The following CALN1 variants were observed in gnomAD, a reference collection of about 807,000 sequenced individuals.
CALN1 encodes the protein calneuron 1.
A neutral mutation model predicts 30.6 loss-of-function variants in CALN1; 17 were observed. The ratio of observed to expected loss-of-function variants is 0.56; its 90% confidence interval spans 0.38 to 0.83. The LOEUF (loss-of-function observed/expected upper bound fraction) is 0.83, where lower values mean the gene tolerates loss of function less well. Among genes scored for constraint, CALN1 ranks in the 40% least tolerant of loss-of-function variants. CALN1 has a pLI of 0.00. For missense variants in CALN1, 291 were observed against 354.9 expected (o/e 0.82, Z 1.45); for synonymous variants, 156 against 131.4 (o/e 1.19, Z -1.28).
In CALN1 at chr7:71,883,769, C is replaced by T. The variant is rs147964498; in HGVS notation, c.502-73277G>A. Among the ~76,000 whole-genome samples, 17 of 152,238 alleles carry T rather than the reference C, an allele frequency of 1.1e-4. 1 individual carries two copies. In the East Asian group the frequency reaches 3.1e-3, roughly 28 times the overall value. On this transcript the variant is annotated intron_variant, in intron 5 of 6. Transcript: ENST00000395275. ...CCCATCCCTTCTGAACTGTCCTTTC[C>T]CTGTGGTATATAATCGCTGGGTCTT...
At chr7:72,178,161 A>G (rs34829642) in intron 3 of CALN1, among the ~76,000 whole-genome samples, 36,362 of 152,174 alleles carry the variant, frequency 0.24, 4,896 homozygotes, top group Middle Eastern at 0.33. Flanking sequence ...CCCAATGTGT[A>G]TTGCATAAAG....
At chr7:72,133,675 G>C (rs531880934) in intron 3 of CALN1, among the ~76,000 whole-genome samples, 3 of 152,188 alleles carry the variant, frequency 2.0e-5, no homozygotes, top group East Asian at 3.9e-4. Context: ...GAGTGGAAAA[G>C]CCTGGCGGAC....
chr7:72,254,654 C>T (rs189512503), intron 3 of CALN1, among the ~76,000 whole-genome samples: 170 of 151,838 alleles, frequency 1.1e-3, no homozygotes, highest in Middle Eastern at 6.8e-3. Flanking sequence ...TTTTTTTTTG[C>T]TGAGGGGACA....
At chr7:71,856,757 C>T (rs1790970297) in intron 5 of CALN1, among the ~76,000 whole-genome samples, 2 of 151,964 alleles carry the variant, frequency 1.3e-5, no homozygotes, top group South Asian at 4.2e-4. Context: ...GAGTTCAAGA[C>T]CAGGCTGGCC....
intron 3 of CALN1, among the ~76,000 whole-genome samples, chr7:72,153,034 C>CA (rs1787375774): frequency 6.6e-6 from 1 of 152,192 alleles, no homozygotes; most frequent in Non-Finnish European, 1.5e-5. Context: ...GCTAGAACCT[C>CA]AGTGTTCACA....
intron 3 of CALN1, among the ~76,000 whole-genome samples, chr7:72,240,459 C>T (rs1396800289): frequency 1.3e-5 from 2 of 152,114 alleles, no homozygotes; most frequent in African/African-American, 4.8e-5. Flanking sequence ...CCTCCCAAAG[C>T]GCTGGTGTTA....
At chr7:72,355,110 T>G (rs1165696224) in intron 2 of CALN1, among the ~76,000 whole-genome samples, 1 of 152,032 alleles carries the variant, frequency 6.6e-6, no homozygotes. Flanking sequence ...ACTCTCAGCA[T>G]TTGCCCAGGC....
Position 72,040,048 on chromosome 7 carries a change from G to C in CALN1, c.389-16279C>G, listed in dbSNP as rs145863034. ...CAATCACAAGTCAATCTCTACAAAT[G>C]GCTCTTAGGAAACACCTTTAGCTCA... is the stretch of plus-strand genomic sequence containing the variant. On this transcript the variant is annotated intron_variant, in intron 4 of 6. Coordinates refer to ENST00000395275, the MANE Select transcript of CALN1 (RefSeq NM_031468.4). Among the ~76,000 whole-genome samples the C allele has an allele frequency of 5.4e-3, 825 of 152,162 alleles. 8 individuals are homozygous for C. Among genetic ancestry groups the C allele is most frequent in the African/African-American group, 0.019 (791 of 41,528 alleles).
chr7:72,296,216 C>G (rs537904835), intron 2 of CALN1, among the ~76,000 whole-genome samples: 4 of 150,878 alleles, frequency 2.7e-5, no homozygotes, highest in Admixed American at 2.0e-4. Flanking sequence ...ATGAAGCCCA[C>G]TTGATCATGG....
chr7:71,830,537 G>A (rs1789210471), intron 5 of CALN1, among the ~76,000 whole-genome samples: 1 of 151,746 alleles, frequency 6.6e-6, no homozygotes, highest in East Asian at 1.9e-4. Flanking sequence ...TAGTAGAGAT[G>A]GGGTTTCACT....
At chr7:72,487,077 G>T in the CALN1 span, among the ~76,000 whole-genome samples, 2 of 152,048 alleles carry the variant, frequency 1.3e-5, no homozygotes, top group African/African-American at 4.8e-5. Context: ...TGGAGATAGG[G>T]TCTTGTTCTG....
intron 6 of CALN1, among the ~76,000 whole-genome samples, chr7:71,795,134 A>T (rs542488601): frequency 6.6e-6 from 1 of 152,218 alleles, no homozygotes; most frequent in Non-Finnish European, 1.5e-5. Context: ...CTCCTGCCTC[A>T]GCCTCCCGAG....
chr7:72,270,690 G>A (rs763310779), intron 3 of CALN1, among the ~76,000 whole-genome samples: 16 of 152,106 alleles, frequency 1.1e-4, no homozygotes, highest in African/African-American at 2.7e-4. Context: ...CAGGAGCATC[G>A]CTTGAGATCA....
intron 3 of CALN1, among the ~76,000 whole-genome samples, chr7:72,147,531 A>T (rs546434720): frequency 1.2e-4 from 18 of 149,300 alleles, no homozygotes; most frequent in Non-Finnish European, 2.4e-4. Flanking sequence ...ATTGTGGAAG[A>T]CAGTGTTGCG....
At chr7:72,457,082 C>G in the CALN1 span, among the ~76,000 whole-genome samples, 1 of 141,878 alleles carries the variant, frequency 7.0e-6, no homozygotes, top group African/African-American at 2.6e-5. Context: ...AATCTCAGCT[C>G]ACTGCAACCT....
chr7:72,401,015 T>C (rs1202974525), intron 2 of CALN1, among the ~76,000 whole-genome samples: 1 of 152,104 alleles, frequency 6.6e-6, no homozygotes, highest in Non-Finnish European at 1.5e-5. Flanking sequence ...GAGGAAACAG[T>C]GGTGGCTCTC....
chr7:72,018,313 G>T (rs964340207), intron 5 of CALN1, among the ~76,000 whole-genome samples: 2 of 152,048 alleles, frequency 1.3e-5, no homozygotes, highest in African/African-American at 4.8e-5. Flanking sequence ...GCAGCATTGA[G>T]CAGGAAGCCT....
At chr7:72,357,574 T>C (rs1803308743) in intron 2 of CALN1, among the ~76,000 whole-genome samples, 1 of 151,816 alleles carries the variant, frequency 6.6e-6, no homozygotes. Context: ...GGTTTTTGAA[T>C]GCTTTTAAAT....
chr7:71,810,896 CTTT>C (rs71092916), intron 5 of CALN1, among the ~76,000 whole-genome samples: 5 of 139,148 alleles, frequency 3.6e-5, no homozygotes, highest in Admixed American at 7.3e-5. Context: ...AAGCATGTAT[CTTT>C]TTTTTTTTTT....
Sources: gnomAD v4.1 joint callset for allele counts (sites outside exome capture counted in the v4.1 genomes callset) on GRCh38, gnomAD v4.1.1 for gene constraint, MANE v1.5 for transcripts, NCBI Gene and HGNC (gene_info 2026-07-23, HGNC 2026-07-21) for gene names.